TUBAL3: variants seen among roughly 807,000 people sequenced by gnomAD.
TUBAL3 encodes tubulin alpha like 3, also known as tubulin alpha chain-like 3.
TUBAL3 carries 16 observed loss-of-function variants against 15.5 expected under a neutral mutation model. The ratio of observed to expected loss-of-function variants is 1.04; its 90% CI spans 0.70 to 1.57. TUBAL3 has a LOEUF of 1.57. Among genes scored for constraint, TUBAL3 ranks in the 40% most tolerant of loss-of-function variants. The pLI is 0.00. For synonymous variants in TUBAL3, 238 were observed against 224.3 expected (o/e 1.06, Z -0.55); for missense variants, 609 against 576.2 (o/e 1.06, Z -0.58).
chr10:5,398,070 T>G (rs1194263001), intron 2 of TUBAL3, among the ~76,000 whole-genome samples: 1 of 152,156 alleles, frequency 6.6e-6, no homozygotes, highest in Non-Finnish European at 1.5e-5. Context: ...GAGGATTGTT[T>G]GAGGTCAGGA....
chr10:5,398,621 A>ACAAT (rs200199876), intron 2 of TUBAL3, among the ~76,000 whole-genome samples: 1 of 151,968 alleles, frequency 6.6e-6, no homozygotes, highest in Non-Finnish European at 1.5e-5. Context: ...AAACAAACAA[A>ACAAT]CATATTGGAT....
At position 5,395,892 on chromosome 10, in the gene TUBAL3, A is replaced by G. The variant is rs1564450716; in HGVS notation, c.248-417T>C. Among the ~76,000 whole-genome samples, 1 of 152,070 alleles carries G rather than the reference A, an allele frequency of 6.6e-6. No homozygotes were observed. The highest frequency in any genetic ancestry group is 1.5e-5 in the Non-Finnish European group (1 of 68,010). On this transcript the variant is annotated intron_variant, in intron 2 of 3. Coordinates refer to ENST00000380419, the MANE Select transcript of TUBAL3 (RefSeq NM_024803.3). This position sits in a 1 kb window ranked among gnomAD's most constrained non-coding sequence, Gnocchi z 4.6. ...TGGCACCGGGTGACTTACAATTCTTAGCTCTCCTTGGCTTCTAGCTACCCC... is the reference window on the plus strand; with the variant it reads ...TGGCACCGGGTGACTTACAATTCTTGGCTCTCCTTGGCTTCTAGCTACCCC...
rs543163410 is a variant in TUBAL3 at position 5,397,323 on chromosome 10, C to T, written c.248-1848G>A. Among the ~76,000 whole-genome samples, 1 of 152,318 alleles carries T rather than the reference C, an allele frequency of 6.6e-6. No individual in the cohort carries two copies. Among genetic ancestry groups the T allele is most frequent in the South Asian group, 2.1e-4 (1 of 4,816 alleles). ...GTTTAAATAACTTTTAACTAGCTTACACACAAACCTCCCCCAGAGCTAGGA... is the reference window on the plus strand; with the variant it reads ...GTTTAAATAACTTTTAACTAGCTTATACACAAACCTCCCCCAGAGCTAGGA... On this transcript the variant is annotated intron_variant, in intron 2 of 3. Coordinates refer to ENST00000380419, the MANE Select transcript of TUBAL3 (RefSeq NM_024803.3). This position sits in a 1 kb window ranked among gnomAD's most constrained non-coding sequence, Gnocchi z 4.9.
chr10:5,403,219 G>C (rs1262507305), intron 1 of TUBAL3, among the ~76,000 whole-genome samples: 1 of 152,070 alleles, frequency 6.6e-6, no homozygotes, highest in African/African-American at 2.4e-5. Context: ...TTATAAACAG[G>C]CTTCGAATAC....
Position 5,404,776 on chromosome 10 carries a change from G to T in TUBAL3, c.3+14C>A. 1 of 1,613,366 alleles carries T rather than the reference G, an allele frequency of 6.2e-7. No individual in the cohort carries two copies. The highest frequency in any genetic ancestry group is 8.5e-7 in the Non-Finnish European group (1 of 1,179,540). On this transcript the variant is annotated intron_variant, in intron 1 of 3. Transcript: ENST00000380419. ...AAATTTCCTACAACAATGCATAGGCGTGTAGTCACTTACCATGCTGATGAG... is the reference window on the plus strand; with the variant it reads ...AAATTTCCTACAACAATGCATAGGCTTGTAGTCACTTACCATGCTGATGAG...
intron 1 of TUBAL3, among the ~76,000 whole-genome samples, chr10:5,402,970 C>T (rs1178383083): frequency 6.6e-6 from 1 of 152,164 alleles, no homozygotes; most frequent in African/African-American, 2.4e-5. Context: ...GGGCTCTGGT[C>T]GGCCACACCC....
chr10:5,393,818 G>C lies in TUBAL3; in HGVS notation c.1040C>G (p.Ser347Cys), dbSNP rs148029829. 3.7e-6 allele frequency: 6 copies of C among 1,614,086 alleles called. No individual in the cohort carries two copies. In the African/African-American group the frequency reaches 8.0e-5, roughly 22 times the overall value. The change falls in exon 4 of 4, where the codon TCT (serine) becomes TGT (cysteine). Residue 347 changes from serine to cysteine, a missense_variant. Physicochemically the swap from Ser to Cys is moderately radical, Grantham distance 112. Coordinates refer to ENST00000380419, the MANE Select transcript of TUBAL3 (RefSeq NM_024803.3). The part of the protein sequence containing the change: ...AAIAATKSRH[S>C]VQFVDWCPTG... ...TGGACACCAATCTACAAACTGAACA[G>C]AGTGCCTCGACTTCGTGGCTGCGAT...
At chr10:5,401,156 T>G in intron 1 of TUBAL3, 69 bp from the exon 2 acceptor site, 1 of 1,578,932 alleles carries the variant, frequency 6.3e-7, no homozygotes, top group Non-Finnish European at 8.6e-7. Context: ...TACTCAGCCC[T>G]TCTGGTTACA....
rs182681367 is a variant in TUBAL3, at chr10:5,397,931, C to G, written c.248-2456G>C. On this transcript the variant is annotated intron_variant, in intron 2 of 3. Transcript: ENST00000380419. This position sits in a 1 kb window ranked among gnomAD's most constrained non-coding sequence, Gnocchi z 4.9. ...ACCTATGCCTGGCCAAGCTGAACTC[C>G]TGGTTACACTTGCGGGGCATTCCTT... is the stretch of plus-strand genomic sequence containing the variant. Among the ~76,000 whole-genome samples the G allele has an allele frequency of 6.6e-5, 10 of 152,320 alleles. No homozygotes were observed. The highest frequency in any genetic ancestry group is 6.5e-4 in the Admixed American group (10 of 15,290).
Position 5,396,653 on chromosome 10 carries a change from A to G in TUBAL3, c.248-1178T>C, listed in dbSNP as rs544532727. Among the ~76,000 whole-genome samples, 1 of 152,376 alleles carries G rather than the reference A, an allele frequency of 6.6e-6. No individual in the cohort carries two copies. Among genetic ancestry groups the G allele is most frequent in the African/African-American group, 2.4e-5 (1 of 41,592 alleles). On this transcript the variant is annotated intron_variant, in intron 2 of 3. Transcript: ENST00000380419. The surrounding 1 kb of genome is among the most constrained non-coding windows in gnomAD (Gnocchi z 5.1). ...TGCTGAGTGCATAAATGCATGACGCAGGACAATTGGCGTTAAGATGTTGGC... is the reference window on the plus strand; with the variant it reads ...TGCTGAGTGCATAAATGCATGACGCGGGACAATTGGCGTTAAGATGTTGGC...
chr10:5,395,537 G>T lies in TUBAL3; in HGVS notation c.248-62C>A. 1 of 1,356,534 alleles carries T rather than the reference G, an allele frequency of 7.4e-7. No homozygotes were observed. Among genetic ancestry groups the T allele is most frequent in the Non-Finnish European group, 9.6e-7 (1 of 1,039,520 alleles). The allele number at this position is 1,356,534 out of a possible 1,614,324, so 84.0% of individuals were successfully genotyped here. On this transcript the variant is annotated intron_variant, in intron 2 of 3. Coordinates refer to ENST00000380419, the MANE Select transcript of TUBAL3 (RefSeq NM_024803.3). This position sits in a 1 kb window ranked among gnomAD's most constrained non-coding sequence, Gnocchi z 4.6. ...AGTGCAATTCAGCCGTCCACCTGCT[G>T]CTAGTCCTCCTGGAGCCTCCCCGTA... is the stretch of plus-strand genomic sequence containing the variant.
chr10:5,394,214 G>C lies in TUBAL3; in HGVS notation c.644C>G (p.Ala215Gly). ...TDCTFMVDNEAVYDICHRKLG... is the reference protein window; with the variant it reads ...TDCTFMVDNEGVYDICHRKLG... ...TTTACGATGGCATATATCATAGACG[G>C]CCTCGTTGTCCACCATGAAGGTACA... The change falls in exon 4 of 4, where the codon GCC becomes GGC. Residue 215 changes from alanine (A) to glycine (G), a missense_variant. Physicochemically the swap from Ala to Gly is moderately conservative, Grantham distance 60 (BLOSUM62 0). Transcript: ENST00000380419. This position sits in a 1 kb window ranked among gnomAD's most constrained non-coding sequence, Gnocchi z 4.3. 6.2e-7 allele frequency: 1 copy of C among 1,614,180 alleles called. No homozygotes were observed. Among genetic ancestry groups the C allele is most frequent in the Non-Finnish European group, 8.5e-7 (1 of 1,180,032 alleles).
Position 5,394,032 on chromosome 10 carries a change from T to A in TUBAL3, c.826A>T (p.Met276Leu). 6 of 1,614,164 alleles carry A rather than the reference T, an allele frequency of 3.7e-6. 1 individual carries two copies. In the South Asian group the frequency reaches 6.6e-5, roughly 18 times the overall value. ...LVPYPRIHFP[M>L]TAFAPIVSAD... ...GAGACGATGGGGGCGAAGGCTGTCATGGGGAAATGTATTCTCGGATAAGGT... is the reference window on the plus strand; with the variant it reads ...GAGACGATGGGGGCGAAGGCTGTCAAGGGGAAATGTATTCTCGGATAAGGT... The change falls in exon 4 of 4, where the codon ATG becomes TTG. Residue 276 changes from methionine (M) to leucine (L), a missense_variant. Coordinates refer to ENST00000380419, the MANE Select transcript of TUBAL3 (RefSeq NM_024803.3). This position sits in a 1 kb window ranked among gnomAD's most constrained non-coding sequence, Gnocchi z 4.3.
In TUBAL3 at chr10:5,394,028, G is replaced by A. The variant is rs1554813811; in HGVS notation, c.830C>T (p.Thr277Ile). Reference sequence around the variant, plus strand: ...AGCAGAGACGATGGGGGCGAAGGCTGTCATGGGGAAATGTATTCTCGGATA... The same window carrying A: ...AGCAGAGACGATGGGGGCGAAGGCTATCATGGGGAAATGTATTCTCGGATA... ...VPYPRIHFPM[T>I]AFAPIVSADK... The change falls in exon 4 of 4, where the codon ACA becomes ATA. Residue 277 changes from threonine (T) to isoleucine (I), a missense_variant. Transcript: ENST00000380419. The surrounding 1 kb of genome is among the most constrained non-coding windows in gnomAD (Gnocchi z 4.3). The A allele has an allele frequency of 6.2e-7, 1 of 1,614,212 alleles. No homozygotes were observed. The highest frequency in any genetic ancestry group is 8.5e-7 in the Non-Finnish European group (1 of 1,180,028).
chr10:5,394,225 C>T lies in TUBAL3; in HGVS notation c.633G>A (p.Val211=), dbSNP rs781805478. The T allele has an allele frequency of 3.1e-6, 5 of 1,614,154 alleles. No individual in the cohort carries two copies. The highest frequency in any genetic ancestry group is 3.4e-6 in the Non-Finnish European group (4 of 1,180,034). ...TTEHTDCTFM[V]DNEAVYDICH... is the part of the protein sequence containing the mutation. ...ATATATCATAGACGGCCTCGTTGTC[C>T]ACCATGAAGGTACAGTCCGTGTGCT... Residue 211 remains valine, a synonymous_variant, in exon 4 of 4, where the codon GTG becomes GTA. Coordinates refer to ENST00000380419, the MANE Select transcript of TUBAL3 (RefSeq NM_024803.3). The surrounding 1 kb of genome is among the most constrained non-coding windows in gnomAD (Gnocchi z 4.3).
In TUBAL3 at chr10:5,395,280, A is replaced by C. The variant is rs1554813972; in HGVS notation, c.396+47T>G. 1.4e-6 allele frequency: 2 copies of C among 1,421,194 alleles called. No homozygotes were observed. Among genetic ancestry groups the C allele is most frequent in the Admixed American group, 2.6e-5 (1 of 39,214 alleles). 88.0% of individuals were successfully genotyped at this position (1,421,194 alleles called of 1,614,324 possible). A position where few individuals can be genotyped will look rare whatever the true frequency, so the allele number is the denominator to read the frequency against. Reference sequence around the variant, plus strand: ...CTTGTGAGTTCTGCCGCAGGACCCCACATGCCCCAGGCACAGCCCACTCGG... The same window carrying C: ...CTTGTGAGTTCTGCCGCAGGACCCCCCATGCCCCAGGCACAGCCCACTCGG... On this transcript the variant is annotated intron_variant, in intron 3 of 3. Coordinates refer to ENST00000380419, the MANE Select transcript of TUBAL3 (RefSeq NM_024803.3). This position sits in a 1 kb window ranked among gnomAD's most constrained non-coding sequence, Gnocchi z 4.6.
In TUBAL3 at chr10:5,395,612, G is replaced by A; in HGVS notation, c.248-137C>T. 1.0e-6 allele frequency: 1 copy of A among 992,528 alleles called. No homozygotes were observed. The highest frequency in any genetic ancestry group is 1.4e-6 in the Non-Finnish European group (1 of 724,740). 61.5% of individuals were successfully genotyped at this position (992,528 alleles called of 1,614,324 possible). A position where few individuals can be genotyped will look rare whatever the true frequency, so the allele number is the denominator to read the frequency against. On this transcript the variant is annotated intron_variant, in intron 2 of 3. Transcript: ENST00000380419. The surrounding 1 kb of genome is among the most constrained non-coding windows in gnomAD (Gnocchi z 4.6). ...TATTGTGGTCCAGGAATGGAATTTA[G>A]ATAGTGCTGAATTAGCCCGTCTTAG...
chr10:5,393,592 T>C lies in TUBAL3; in HGVS notation c.1266A>G (p.Glu422=), dbSNP rs576528706. The part of the protein sequence containing the change: ...LHWYLREGME[E]AEFLEAREDL... Reference sequence around the variant, plus strand: ...CTTCCCTGGCCTCCAAGAACTCTGCTTCTTCCATGCCTTCTCTGAGGTACC... The same window carrying C: ...CTTCCCTGGCCTCCAAGAACTCTGCCTCTTCCATGCCTTCTCTGAGGTACC... Residue 422 remains glutamate (E), a synonymous_variant, in exon 4 of 4, where the codon GAA becomes GAG. Transcript: ENST00000380419. 6 of 1,614,224 alleles carry C rather than the reference T, an allele frequency of 3.7e-6. No homozygotes were observed. The Admixed American group carries it at 8.3e-5, about 22-fold the overall frequency.
chr10:5,398,808 G>A (rs116944168), intron 2 of TUBAL3, among the ~76,000 whole-genome samples: 2,248 of 152,134 alleles, frequency 0.015, 26 homozygotes, highest in Non-Finnish European at 0.025. Context: ...TATATTTTAT[G>A]TGTGGCCCAA....
Sources: allele counts gnomAD v4.1 joint callset (sites outside exome capture counted in the v4.1 genomes callset), GRCh38; gene constraint gnomAD v4.1.1; non-coding constraint Gnocchi (gnomAD v3.1); transcripts MANE v1.5; gene names NCBI Gene and HGNC (gene_info 2026-07-23, HGNC 2026-07-21).